ARVCF: variants seen among roughly 807,000 people sequenced by gnomAD.
The protein encoded by ARVCF is splicing regulator ARVCF.
In ARVCF, 66 loss-of-function variants were observed where a neutral mutation model predicts 90.9. The ratio of observed to expected loss-of-function variants is 0.73; its 90% CI spans 0.60 to 0.89. ARVCF has a LOEUF of 0.89. ARVCF is among the 40% of genes least tolerant of loss of function. The pLI is 0.00. For missense variants in ARVCF, 1,469 were observed against 1,382.3 expected, an observed-to-expected ratio of 1.06 and a Z score of -1.00; for synonymous variants, 653 against 603.4, an observed-to-expected ratio of 1.08 and a Z score of -1.21.
chr22:19,997,199 G>A (rs1447742834), intron 2 of ARVCF, among the ~76,000 whole-genome samples: 2 of 152,208 alleles, frequency 1.3e-5, no homozygotes, highest in Non-Finnish European at 2.9e-5. Context: ...CCAGGGAGCT[G>A]GGAAGCCTAA....
rs1396356809 is a variant in ARVCF at position 20,002,761 on chromosome 22, A to C, written c.-19+7694T>G. Reference sequence around the variant, plus strand: ...TTTGTGAGAAGCCCACAGCCTGCGCATGAAGATTGTGTCAAGGGAATAGCA... The same window carrying C: ...TTTGTGAGAAGCCCACAGCCTGCGCCTGAAGATTGTGTCAAGGGAATAGCA... On this transcript the variant is annotated intron_variant, in intron 2 of 19. Transcript: ENST00000263207. Among the ~76,000 whole-genome samples the C allele has an allele frequency of 2.0e-5, 3 of 152,346 alleles. No homozygotes were observed. In the East Asian group the frequency reaches 5.8e-4, roughly 29 times the overall value.
At chr22:20,008,081 AAAAACT>A (rs1340263660) in intron 2 of ARVCF, among the ~76,000 whole-genome samples, 1 of 152,260 alleles carries the variant, frequency 6.6e-6, no homozygotes, top group South Asian at 2.1e-4. Flanking sequence ...GATCATAAAC[AAAAACT>A]AAAAGGGTGA....
chr22:19,992,035 C>A (rs1944047575), intron 2 of ARVCF, among the ~76,000 whole-genome samples: 2 of 152,240 alleles, frequency 1.3e-5, no homozygotes, highest in South Asian at 4.1e-4. Flanking sequence ...CTGGATGGAG[C>A]CAGCTGCAAG....
intron 3 of ARVCF, among the ~76,000 whole-genome samples, chr22:19,984,936 C>T (rs1943686255): frequency 6.6e-6 from 1 of 152,166 alleles, no homozygotes; most frequent in South Asian, 2.1e-4. Context: ...CAGCTCTCTG[C>T]AACATCTTTA....
chr22:19,986,444 G>A (rs1943769829), intron 3 of ARVCF, among the ~76,000 whole-genome samples: 1 of 152,190 alleles, frequency 6.6e-6, no homozygotes, highest in Non-Finnish European at 1.5e-5. Context: ...ATGCTGAGAG[G>A]GGGAGGATCC....
downstream of ARVCF, chr22:19,968,573 C>T: frequency 6.2e-7 from 1 of 1,614,098 alleles, no homozygotes; most frequent in Non-Finnish European, 8.5e-7. Flanking sequence ...GTGCTACTGG[C>T]TGACAACGTG....
intron 9 of ARVCF, among the ~76,000 whole-genome samples, chr22:19,976,995 G>A (rs1943193609): frequency 6.6e-6 from 1 of 151,622 alleles, no homozygotes; most frequent in African/African-American, 2.4e-5. Context: ...CCCTGCTAGT[G>A]CAGTAGAGAA....
downstream of ARVCF, among the ~76,000 whole-genome samples, chr22:19,968,081 C>G (rs955681647): frequency 1.3e-5 from 2 of 152,150 alleles, no homozygotes; most frequent in African/African-American, 4.8e-5. Flanking sequence ...GGAGGTCTGC[C>G]CCACCTCAGC....
downstream of ARVCF, chr22:19,968,661 C>A (rs546326145): frequency 3.1e-6 from 5 of 1,614,076 alleles, no homozygotes; most frequent in Non-Finnish European, 4.2e-6. Context: ...ACCAATCGTT[C>A]CTGGAATACA....
intron 2 of ARVCF, among the ~76,000 whole-genome samples, chr22:20,006,121 CT>C (rs779312144): frequency 1.5e-3 from 231 of 152,210 alleles, no homozygotes; most frequent in African/African-American, 5.2e-3. Context: ...GGGGAGTTTT[CT>C]AATGGGTACA....
chr22:19,966,302 A>G (rs952515622), downstream of ARVCF, among the ~76,000 whole-genome samples: 2 of 152,006 alleles, frequency 1.3e-5, no homozygotes, highest in Non-Finnish European at 2.9e-5. Flanking sequence ...TGAGCATCGG[A>G]GGCACGAGGG....
intron 2 of ARVCF, among the ~76,000 whole-genome samples, chr22:19,999,117 C>A (rs1944355385): frequency 6.6e-6 from 1 of 152,164 alleles, no homozygotes; most frequent in South Asian, 2.1e-4. Flanking sequence ...GCAGAGGAGG[C>A]CAGGCCACAT....
chr22:20,001,340 A>G (rs1441796468), intron 2 of ARVCF, among the ~76,000 whole-genome samples: 2 of 152,144 alleles, frequency 1.3e-5, no homozygotes, highest in Middle Eastern at 3.2e-3. Flanking sequence ...CTGCAGGGAC[A>G]AGCACAACTT....
chr22:19,966,694 A>C (rs1389850083), downstream of ARVCF, among the ~76,000 whole-genome samples: 1 of 151,594 alleles, frequency 6.6e-6, no homozygotes, highest in Admixed American at 6.6e-5. Flanking sequence ...TCTTGCCTCA[A>C]CCTCCCAAAG....
downstream of ARVCF, among the ~76,000 whole-genome samples, chr22:19,966,482 C>G (rs1250366199): frequency 6.6e-6 from 1 of 151,768 alleles, no homozygotes; most frequent in Non-Finnish European, 1.5e-5. Flanking sequence ...TGCTCTGTGC[C>G]CAGGCTGGAG....
Position 19,979,055 on chromosome 22 carries a change from A to G in ARVCF, c.1422T>C (p.Tyr474=). ...VTGTLWNLSS[Y]EPLKMVIIDH... ...CAATGATGACCATCTTCAGGGGCTC[A>G]TAGGATGACAGGTTCCACAGGGTGC... The change falls in exon 7 of 20, where the codon TAT becomes TAC. Residue 474 remains tyrosine, a synonymous_variant. Transcript: ENST00000263207. 1.2e-6 allele frequency: 2 copies of G among 1,613,232 alleles called. No homozygotes were observed. Among genetic ancestry groups the G allele is most frequent in the South Asian group, 1.1e-5 (1 of 91,078 alleles).
At chr22:19,993,079 G>A (rs1944089648) in intron 2 of ARVCF, among the ~76,000 whole-genome samples, 1 of 152,214 alleles carries the variant, frequency 6.6e-6, no homozygotes, top group South Asian at 2.1e-4. Flanking sequence ...CCATGCTCAG[G>A]AGAGCAGAGA....
In ARVCF at chr22:19,980,241, C is replaced by T. The variant is rs1601602587; in HGVS notation, c.898G>A (p.Ala300Thr). The T allele has an allele frequency of 5.3e-6, 8 of 1,519,270 alleles. No individual in the cohort carries two copies. The East Asian group carries it at 1.8e-4, about 35-fold the overall frequency. The allele number at this position is 1,519,270 out of a possible 1,614,324, so 94.1% of individuals were successfully genotyped here. ...PECGRGLHTR[A>T]YEDTADDGGE... ...CCATCATCTGCTGTGTCCTCGTAGG[C>T]CCTGCACAGGCAAGTGGGGCGCGTG... The change falls in exon 6 of 20, where the codon GCC becomes ACC. Residue 300 changes from alanine (A) to threonine (T), a missense_variant and splice_region_variant. By Grantham distance (58) the Ala-to-Thr change is moderately conservative. Coordinates refer to ENST00000263207, the MANE Select transcript of ARVCF (RefSeq NM_001670.3).
At chr22:19,988,495 C>T (rs903748576) in intron 3 of ARVCF, among the ~76,000 whole-genome samples, 4 of 152,374 alleles carry the variant, frequency 2.6e-5, no homozygotes, top group East Asian at 1.9e-4. Flanking sequence ...ACTGGGTGGG[C>T]GTCAGCCCTG....
Sources: allele counts gnomAD v4.1 joint callset (sites outside exome capture counted in the v4.1 genomes callset), GRCh38; gene constraint gnomAD v4.1.1; transcripts MANE v1.5; gene names NCBI Gene and HGNC (gene_info 2026-07-23, HGNC 2026-07-21).